SPTLC1: variants seen among roughly 807,000 people sequenced by gnomAD.
SPTLC1 encodes serine palmitoyltransferase long chain base subunit 1.
Under a neutral mutation model 68.9 loss-of-function variants are expected in SPTLC1, and 55 were observed. That is an observed-to-expected ratio of 0.80 (90% confidence interval 0.64 to 1.00). The LOEUF (loss-of-function observed/expected upper bound fraction) is 1.00. SPTLC1 is among the 50% of genes least tolerant of loss of function. The probability of loss-of-function intolerance (pLI) is 0.00; values close to 1 mark genes in which losing one functional copy is unlikely to be tolerated. For missense variants in SPTLC1, 449 were observed against 573.1 expected (o/e 0.78, Z 2.21); for synonymous variants, 197 against 201.6 (o/e 0.98, Z 0.19).
Position 92,047,679 on chromosome 9 carries a change from G to T in SPTLC1, c.918C>A (p.Asn306Lys). Residue 306 changes from asparagine (N) to lysine (K), a missense_variant, in exon 10 of 15, where the codon AAC becomes AAA. Physicochemically the swap from Asn to Lys is moderately conservative, Grantham distance 94. Around this residue, in one of 3 missense-constraint regions of SPTLC1, gnomAD observed 391 missense variants for 472.1 expected, o/e 0.83. Transcript: ENST00000262554. ...CAATAGAAGCAAGTGCATTCTCCAT[G>T]TTGGCACTGATAAGATCAATATCAT... is the stretch of plus-strand genomic sequence containing the variant. ...NIDDIDLISANMENALASIGG... is the reference protein window; with the variant it reads ...NIDDIDLISAKMENALASIGG... 2 of 1,613,358 alleles carry T rather than the reference G, an allele frequency of 1.2e-6. No homozygotes were observed. Among genetic ancestry groups the T allele is most frequent in the Non-Finnish European group, 1.7e-6 (2 of 1,179,432 alleles).
intron 3 of SPTLC1, among the ~76,000 whole-genome samples, chr9:92,084,921 T>C (rs1315208906): frequency 2.0e-5 from 3 of 152,188 alleles, no homozygotes; most frequent in East Asian, 1.9e-4. Flanking sequence ...ATTTCAGAGC[T>C]TGTTATTGGT....
At chr9:92,040,536 G>A (rs959296686) in intron 12 of SPTLC1, among the ~76,000 whole-genome samples, 1 of 151,792 alleles carries the variant, frequency 6.6e-6, no homozygotes, top group African/African-American at 2.4e-5. Flanking sequence ...AGGTTGGGGG[G>A]ATCACGAGGT....
At chr9:92,106,613 C>T (rs571537437) in intron 3 of SPTLC1, among the ~76,000 whole-genome samples, 220 of 152,268 alleles carry the variant, frequency 1.4e-3, no homozygotes, top group African/African-American at 5.1e-3. Context: ...TACTCTGACT[C>T]GGCCCACGTG....
rs887515556 is a variant in SPTLC1 at position 92,051,191 on chromosome 9, T to G, written c.781-1124A>C. 8 of 981,204 alleles carry G rather than the reference T, an allele frequency of 8.2e-6. No individual in the cohort carries two copies. In the African/African-American group the frequency reaches 1.4e-4, roughly 17 times the overall value. The allele number at this position is 981,204 out of a possible 1,614,324, so 60.8% of individuals were successfully genotyped here. A position where few individuals can be genotyped will look rare whatever the true frequency, so the allele number is the denominator to read the frequency against. The stretch of plus-strand genomic sequence containing the variant: ...TCTTCTATTGATACTTAAAATATAT[T>G]TAGATTTCCTCAGAAATAGTGAAAA... On this transcript the variant is annotated intron_variant, in intron 8 of 14. Transcript: ENST00000262554.
chr9:92,039,499 C>A (rs1833267044), intron 12 of SPTLC1, among the ~76,000 whole-genome samples: 1 of 152,146 alleles, frequency 6.6e-6, no homozygotes, highest in Non-Finnish European at 1.5e-5. Flanking sequence ...ATCTCGGCTA[C>A]TATCTAGTCA....
intron 3 of SPTLC1, among the ~76,000 whole-genome samples, chr9:92,106,874 G>C (rs1188432197): frequency 1.3e-5 from 2 of 152,022 alleles, no homozygotes; most frequent in Non-Finnish European, 2.9e-5. Flanking sequence ...TCAGAAGGGA[G>C]CCTCCTACAC....
rs200773661 is a variant in SPTLC1, at chr9:92,080,055, C to G, written c.388G>C (p.Val130Leu). 2 of 1,614,060 alleles carry G rather than the reference C, an allele frequency of 1.2e-6. No homozygotes were observed. Among genetic ancestry groups the G allele is most frequent in the Admixed American group, 3.3e-5 (2 of 60,016 alleles). ...AATCCTCTGGGTCCACAAGTCCCCA[C>G]GCCATACTTCTTTAGAGATGCTAAA... ...AALASLKKYG[V>L]GTCGPRGFYG... Residue 130 changes from valine (V) to leucine (L), a missense_variant, in exon 5 of 15, where the codon GTG becomes CTG. Physicochemically the swap from Val to Leu is conservative, Grantham distance 32. Transcript: ENST00000262554.
rs1231544707 is a variant in SPTLC1 at position 92,062,038 on chromosome 9, A to G, written c.561-2730T>C. Reference sequence around the variant, plus strand: ...AAATGTACAAATACATGATTTAAAGACAGGCAGGTAGAATAAATTAAATAA... The same window carrying G: ...AAATGTACAAATACATGATTTAAAGGCAGGCAGGTAGAATAAATTAAATAA... On this transcript the variant is annotated intron_variant, in intron 6 of 14. Coordinates refer to ENST00000262554, the MANE Select transcript of SPTLC1 (RefSeq NM_006415.4). 3.9e-5 allele frequency among the ~76,000 whole-genome samples: 6 copies of G among 152,318 alleles called. No individual in the cohort carries two copies. In the East Asian group the frequency reaches 1.2e-3, roughly 29 times the overall value.
At chr9:92,114,607 T>C (rs1048425888) in intron 1 of SPTLC1, among the ~76,000 whole-genome samples, 1 of 151,908 alleles carries the variant, frequency 6.6e-6, no homozygotes, top group Non-Finnish European at 1.5e-5. Flanking sequence ...TGGTGGCACA[T>C]GCCTGTAATC....
intron 3 of SPTLC1, among the ~76,000 whole-genome samples, chr9:92,097,309 C>T (rs911787843): frequency 2.6e-5 from 4 of 152,216 alleles, no homozygotes; most frequent in African/African-American, 9.6e-5. Flanking sequence ...CAATCCTACT[C>T]CTAGGTATAT....
In SPTLC1 at chr9:92,031,233, A is replaced by C. The variant is rs1296645545; in HGVS notation, c.*1232T>G. ...AGAGTACTTTATCCTTTAAAGCAGC[A>C]GCAATCACAAGGCACATATGTACAA... On this transcript the variant is annotated 3_prime_UTR_variant, in exon 15 of 15. Transcript: ENST00000262554. 6.6e-6 allele frequency: 1 copy of C among 152,668 alleles called. No individual in the cohort carries two copies. The highest frequency in any genetic ancestry group is 1.5e-5 in the Non-Finnish European group (1 of 68,024). The allele number at this position is 152,668 out of a possible 1,614,324, so 9.5% of individuals were successfully genotyped here.
chr9:92,033,595 G>A (rs567102875), intron 14 of SPTLC1, among the ~76,000 whole-genome samples: 6 of 152,284 alleles, frequency 3.9e-5, no homozygotes, highest in African/African-American at 1.2e-4. Flanking sequence ...GAAGGGGGCA[G>A]CCCAGGCTGG....
Position 92,032,340 on chromosome 9 carries a change from T to C in SPTLC1, c.*125A>G. 6.4e-7 allele frequency: 1 copy of C among 1,562,410 alleles called. No individual in the cohort carries two copies. Among genetic ancestry groups the C allele is most frequent in the South Asian group, 1.2e-5 (1 of 86,700 alleles). On this transcript the variant is annotated 3_prime_UTR_variant, in exon 15 of 15. Transcript: ENST00000262554. ...ACACAATTGGTCCATACTGACACCA[T>C]TTGGTAACAATCCTATCAAAGATCC...
chr9:92,101,289 G>A (rs7866630), intron 3 of SPTLC1, among the ~76,000 whole-genome samples: 5,169 of 152,026 alleles, frequency 0.034, 155 homozygotes, highest in South Asian at 0.11. Flanking sequence ...CAGGCCAGGC[G>A]TGGTGGCTCA....
intron 5 of SPTLC1, among the ~76,000 whole-genome samples, chr9:92,070,916 TA>T (rs1469991586): frequency 2.0e-5 from 3 of 152,176 alleles, no homozygotes; most frequent in African/African-American, 7.2e-5. Flanking sequence ...TTGTTAAGAC[TA>T]TCTTCCAATA....
At chr9:92,112,639 A>G (rs1251645146) in intron 1 of SPTLC1, 77 bp from the exon 2 acceptor site, 3 of 874,188 alleles carry the variant, frequency 3.4e-6, no homozygotes, top group Non-Finnish European at 5.7e-6. Context: ...CTACACCTGC[A>G]TATACTGCCT....
chr9:92,101,023 A>T (rs1033322480), intron 3 of SPTLC1, among the ~76,000 whole-genome samples: 1 of 152,096 alleles, frequency 6.6e-6, no homozygotes, highest in Non-Finnish European at 1.5e-5. Context: ...ATAAATATAA[A>T]CATAGGAGAT....
intron 5 of SPTLC1, chr9:92,079,229 C>T (rs1834791032): frequency 6.6e-6 from 3 of 457,254 alleles, no homozygotes; most frequent in South Asian, 2.9e-5. Context: ...GTATCCACCA[C>T]CACGCCCAGC....
intron 13 of SPTLC1, among the ~76,000 whole-genome samples, chr9:92,036,237 G>C (rs1833135285): frequency 1.3e-5 from 2 of 152,320 alleles, no homozygotes; most frequent in South Asian, 4.1e-4. Flanking sequence ...CCTTAAGAGA[G>C]CCAGTATCAA....
Sources: allele counts gnomAD v4.1 joint callset (sites outside exome capture counted in the v4.1 genomes callset), GRCh38; gene constraint gnomAD v4.1.1; regional missense constraint gnomAD v4.1.1; transcripts MANE v1.5; gene names NCBI Gene and HGNC (gene_info 2026-07-23, HGNC 2026-07-21).